SLC22A14: variants seen among roughly 807,000 people sequenced by gnomAD.
The protein encoded by SLC22A14 is solute carrier family 22 member 14.
SLC22A14 carries 50 observed loss-of-function variants against 53.9 expected under a neutral mutation model. The ratio of observed to expected loss-of-function variants is 0.93; its 90% CI spans 0.74 to 1.17. The LOEUF (loss-of-function observed/expected upper bound fraction) is 1.17. Ranked by LOEUF, SLC22A14 falls within the 50% of genes most tolerant of loss-of-function variation. SLC22A14 has a pLI of 0.00. For missense variants in SLC22A14, 671 were observed against 734.7 expected (o/e 0.91, Z 1.00); for synonymous variants, 312 against 303.0 (o/e 1.03, Z -0.31).
intron 5 of SLC22A14, among the ~76,000 whole-genome samples, chr3:38,309,458 C>T (rs1267530406): frequency 6.6e-6 from 1 of 152,050 alleles, no homozygotes; most frequent in Admixed American, 6.5e-5. Flanking sequence ...GCCTTGGTGA[C>T]CTTCTTGAGG....
chr3:38,287,079 T>C (rs1224212603), intron 1 of SLC22A14, among the ~76,000 whole-genome samples: 2 of 152,000 alleles, frequency 1.3e-5, no homozygotes, highest in Non-Finnish European at 2.9e-5. Flanking sequence ...GTCTTGATCC[T>C]AGTCCTTTTT....
At position 38,313,072 on chromosome 3, in the gene SLC22A14, G is replaced by A. The variant is rs138017435; in HGVS notation, c.1018G>A (p.Ala340Thr). Reference sequence around the variant, plus strand: ...GGAGGCCAAGCAGGTGCTGTGCTACGCCGCAAGTGTGAACAAGAAGACCAT... The same window carrying A: ...GGAGGCCAAGCAGGTGCTGTGCTACACCGCAAGTGTGAACAAGAAGACCAT... ...VKEAKQVLCY[A>T]ASVNKKTIPS... is the part of the protein sequence containing the mutation. Residue 340 changes from alanine (A) to threonine (T), a missense_variant, in exon 6 of 11, where the codon GCC (alanine) becomes ACC (threonine). Ala to Thr is a moderately conservative substitution (Grantham distance 58, BLOSUM62 0). Transcript: ENST00000448498. 55 of 1,604,392 alleles carry A rather than the reference G, an allele frequency of 3.4e-5. No individual in the cohort carries two copies. The highest frequency in any genetic ancestry group is 4.2e-5 in the Non-Finnish European group (49 of 1,176,028).
At chr3:38,284,966 T>G (rs1703757998) in intron 1 of SLC22A14, among the ~76,000 whole-genome samples, 1 of 152,170 alleles carries the variant, frequency 6.6e-6, no homozygotes, top group African/African-American at 2.4e-5. Flanking sequence ...ATCCTACTTC[T>G]TGGACCTTAG....
chr3:38,318,170 T>A (rs770414209), intron 10 of SLC22A14, 28 bp from the exon 11 acceptor site: 7 of 1,606,820 alleles, frequency 4.4e-6, no homozygotes. Context: ...GATGTGGCCC[T>A]GGACTCATCC....
intron 5 of SLC22A14, among the ~76,000 whole-genome samples, chr3:38,311,464 A>G (rs144497993): frequency 8.6e-4 from 131 of 152,352 alleles, no homozygotes; most frequent in African/African-American, 1.9e-3. Context: ...ATTCATGGAA[A>G]ATGAATAAAC....
At chr3:38,311,051 C>T (rs1158620449) in intron 5 of SLC22A14, among the ~76,000 whole-genome samples, 1 of 152,202 alleles carries the variant, frequency 6.6e-6, no homozygotes, top group African/African-American at 2.4e-5. Context: ...TGGCAGATGT[C>T]CTTTTTCAAA....
chr3:38,306,826 CA>C (rs1302602546), intron 2 of SLC22A14, among the ~76,000 whole-genome samples: 1 of 152,176 alleles, frequency 6.6e-6, no homozygotes, highest in Admixed American at 6.5e-5. Flanking sequence ...TCAGAACTCA[CA>C]AAAAATAGGG....
intron 1 of SLC22A14, among the ~76,000 whole-genome samples, chr3:38,304,310 T>G (rs1704243897): frequency 6.6e-6 from 1 of 152,210 alleles, no homozygotes; most frequent in Admixed American, 6.5e-5. Context: ...TTGCTGGGTA[T>G]ACAATTCTAT....
chr3:38,315,701 ACTGTG>A lies in SLC22A14; in HGVS notation c.1525_1529del (p.Val509GlnfsTer70). ...CCTCTACACCGCTGAGCTCCTCCCC[ACTGTG>A]CTCAGGTATGGGGTCTGGTGGGCGA... On this transcript the variant is annotated frameshift_variant, in exon 9 of 11. Coordinates refer to ENST00000448498, the MANE Select transcript of SLC22A14 (RefSeq NM_001320033.2). LOFTEE classifies it high-confidence loss of function. The A allele has an allele frequency of 1.9e-6, 3 of 1,613,618 alleles. No individual in the cohort carries two copies. The highest frequency in any genetic ancestry group is 1.6e-4 in the Middle Eastern group (1 of 6,062).
At chr3:38,291,563 G>A (rs969814453) in intron 1 of SLC22A14, among the ~76,000 whole-genome samples, 1 of 152,200 alleles carries the variant, frequency 6.6e-6, no homozygotes, top group African/African-American at 2.4e-5. Flanking sequence ...TACTAGGACT[G>A]CTACTGCCGC....
At chr3:38,312,882 G>A in intron 5 of SLC22A14, 117 bp from the exon 6 acceptor site, 1 of 1,380,702 alleles carries the variant, frequency 7.2e-7, no homozygotes, top group Non-Finnish European at 9.9e-7. Context: ...TCAAGGCCCT[G>A]ACATCTGAAT....
Position 38,306,388 on chromosome 3 carries a change from C to A in SLC22A14, c.362C>A (p.Pro121His), listed in dbSNP as rs763123196. 1 of 1,614,164 alleles carries A rather than the reference C, an allele frequency of 6.2e-7. No homozygotes were observed. Among genetic ancestry groups the A allele is most frequent in the East Asian group, 2.2e-5 (1 of 44,878 alleles). ...SKAEQLNLTIPQAPNGSFLTC... is the reference protein window; with the variant it reads ...SKAEQLNLTIHQAPNGSFLTC... Reference sequence around the variant, plus strand: ...GCTGAGCAGCTGAATCTGACCATACCCCAAGCACCCAATGGCAGTTTCCTG... The same window carrying A: ...GCTGAGCAGCTGAATCTGACCATACACCAAGCACCCAATGGCAGTTTCCTG... The change falls in exon 2 of 11, where the codon CCC becomes CAC. Residue 121 changes from proline to histidine, a missense_variant. Physicochemically the swap from Pro to His is moderately conservative, Grantham distance 77. Coordinates refer to ENST00000448498, the MANE Select transcript of SLC22A14 (RefSeq NM_001320033.2).
chr3:38,316,519 G>A lies in SLC22A14; in HGVS notation c.1728G>A (p.Gln576=), dbSNP rs1175473558. The change falls in exon 10 of 11, where the codon CAG becomes CAA. Residue 576 remains glutamine, a synonymous_variant. Transcript: ENST00000448498. ...CCGAGAGCCTGAACCACTCCTCACA[G>A]ATAAGGTAGGTGTGGGAGCCTCCTG... ...PLSESLNHSS[Q]IRNKVKDMKT... The A allele has an allele frequency of 6.2e-7, 1 of 1,613,826 alleles. No individual in the cohort carries two copies. Among genetic ancestry groups the A allele is most frequent in the African/African-American group, 1.3e-5 (1 of 74,928 alleles).
In SLC22A14 at chr3:38,313,876, G is replaced by A. The variant is rs138793839; in HGVS notation, c.1313G>A (p.Trp438Ter). 1.2e-5 allele frequency: 19 copies of A among 1,613,936 alleles called. No individual in the cohort carries two copies. In the African/African-American group the frequency reaches 1.3e-4, roughly 11 times the overall value. The change falls in exon 8 of 11, where the codon TGG becomes TAG. Residue 438 changes from tryptophan (W) to a stop codon, truncating the protein, a stop_gained. Coordinates refer to ENST00000448498, the MANE Select transcript of SLC22A14 (RefSeq NM_001320033.2). LOFTEE classifies it high-confidence loss of function. ...IFLLQQIGRK[W>*]SLAVTLLQAI... ...CTCCTCCAGCAGATTGGGAGGAAGT[G>A]GAGCCTGGCTGTGACTCTCCTCCAA...
At chr3:38,279,823 C>G (rs1344674944), upstream of SLC22A14, among the ~76,000 whole-genome samples, 2 of 152,060 alleles carry the variant, frequency 1.3e-5, no homozygotes, top group Non-Finnish European at 2.9e-5. Context: ...AAGGTTACGG[C>G]AATGGTGACT....
At chr3:38,294,750 G>A (rs1034391906) in intron 1 of SLC22A14, among the ~76,000 whole-genome samples, 2 of 152,084 alleles carry the variant, frequency 1.3e-5, no homozygotes, top group African/African-American at 4.8e-5. Context: ...TGACCACAGA[G>A]AAAGGGGTCC....
chr3:38,287,714 T>C (rs1458900582), intron 1 of SLC22A14, among the ~76,000 whole-genome samples: 1 of 152,170 alleles, frequency 6.6e-6, no homozygotes, highest in Non-Finnish European at 1.5e-5. Context: ...TCAATATACA[T>C]TTTAGAATCT....
At chr3:38,296,736 A>T (rs1295287570) in intron 1 of SLC22A14, among the ~76,000 whole-genome samples, 1 of 152,186 alleles carries the variant, frequency 6.6e-6, no homozygotes, top group Non-Finnish European at 1.5e-5. Context: ...GCTGTGGGTC[A>T]CAGAAGAGAG....
chr3:38,307,872 G>A lies in SLC22A14; in HGVS notation c.775+152G>A. ...CTGTAAGAGGGCATGGCGGGGGTGT[G>A]GCAGCGTGGGCATCTGCTGGGATCC... On this transcript the variant is annotated intron_variant, in intron 4 of 10. Coordinates refer to ENST00000448498, the MANE Select transcript of SLC22A14 (RefSeq NM_001320033.2). The surrounding 1 kb of genome is among the most constrained non-coding windows in gnomAD (Gnocchi z 4.4). 1 of 774,320 alleles carries A rather than the reference G, an allele frequency of 1.3e-6. No individual in the cohort carries two copies. 48.0% of individuals were successfully genotyped at this position (774,320 alleles called of 1,614,324 possible). A position where few individuals can be genotyped will look rare whatever the true frequency, so the allele number is the denominator to read the frequency against.
Sources: allele counts gnomAD v4.1 joint callset (sites outside exome capture counted in the v4.1 genomes callset), GRCh38; gene constraint gnomAD v4.1.1; non-coding constraint Gnocchi (gnomAD v3.1); transcripts MANE v1.5; gene names NCBI Gene and HGNC (gene_info 2026-07-23, HGNC 2026-07-21).